TMC1: variants seen among roughly 807,000 people sequenced by gnomAD.
TMC1 encodes transmembrane channel-like protein 1.
In TMC1, 84 loss-of-function variants were observed where a neutral mutation model predicts 105.8. That is an observed-to-expected ratio of 0.79 (90% CI 0.67 to 0.95). The LOEUF (loss-of-function observed/expected upper bound fraction) is 0.95. Among genes scored for constraint, TMC1 ranks in the 40% least tolerant of loss-of-function variants. The pLI is 0.00. For synonymous variants in TMC1, 315 were observed against 311.5 expected (o/e 1.01, Z -0.12); for missense variants, 817 against 914.1 (o/e 0.89, Z 1.37).
In TMC1 at chr9:72,559,441, G is replaced by GCC. The variant is rs551389085; in HGVS notation, c.-427-18457_-427-18456dup. On this transcript the variant is annotated intron_variant, in intron 1 of 23. Coordinates refer to ENST00000297784, the MANE Select transcript of TMC1 (RefSeq NM_138691.3). Reference sequence around the variant, plus strand: ...ATAACTCATACCAGAAACTTTGTAGGCCCCCACCGATGCCCATAATCTTTA... The same window carrying GCC: ...ATAACTCATACCAGAAACTTTGTAGGCCCCCCCACCGATGCCCATAATCTTTA... Among the ~76,000 whole-genome samples the GCC allele has an allele frequency of 1.8e-3, 268 of 152,004 alleles. 1 individual carries two copies. The highest frequency in any genetic ancestry group is 6.3e-3 in the African/African-American group (262 of 41,408).
chr9:72,680,165 T>C (rs1029316592), intron 5 of TMC1, among the ~76,000 whole-genome samples: 2 of 152,088 alleles, frequency 1.3e-5, no homozygotes, highest in Non-Finnish European at 2.9e-5. Flanking sequence ...AGGTGTTAAA[T>C]CTCCATTCTA....
chr9:72,555,973 C>CAAAAAAAAAAAAAAAAAAAAAAAAAAAAA (rs59431883), intron 1 of TMC1, among the ~76,000 whole-genome samples: 1 of 42,566 alleles, frequency 2.3e-5, no homozygotes, highest in Non-Finnish European at 3.9e-5. Context: ...ATGACTAAGG[C>CAAAAAAAAAAAAAAAAAAAAAAAAAAAAA]AAAAAAAAAA....
At position 72,748,064 on chromosome 9, in the gene TMC1, T is replaced by C. The variant is rs74814764; in HGVS notation, c.536-3786T>C. Among the ~76,000 whole-genome samples, 29 of 151,206 alleles carry C rather than the reference T, an allele frequency of 1.9e-4. 1 individual carries two copies. Among genetic ancestry groups the C allele is most frequent in the African/African-American group, 7.2e-4 (29 of 40,520 alleles). Reference sequence around the variant, plus strand: ...GTTTCAGAAACACATATTCATTGCATGTTTATTGTATATATCATAGTCTTA... The same window carrying C: ...GTTTCAGAAACACATATTCATTGCACGTTTATTGTATATATCATAGTCTTA... On this transcript the variant is annotated intron_variant, in intron 10 of 23. Transcript: ENST00000297784.
At chr9:72,623,169 T>C (rs1306490323) in intron 3 of TMC1, among the ~76,000 whole-genome samples, 3 of 148,146 alleles carry the variant, frequency 2.0e-5, no homozygotes, top group Non-Finnish European at 3.0e-5. Flanking sequence ...TTTCTTTTTT[T>C]TTTTTTTGTC....
At chr9:72,699,759 C>G (rs1460673908) in intron 7 of TMC1, among the ~76,000 whole-genome samples, 1 of 151,748 alleles carries the variant, frequency 6.6e-6, no homozygotes, top group Non-Finnish European at 1.5e-5. Context: ...AAGTTCAAGA[C>G]CAGCCTGGCC....
At chr9:72,626,857 T>C (rs779385316) in intron 3 of TMC1, among the ~76,000 whole-genome samples, 11 of 152,186 alleles carry the variant, frequency 7.2e-5, no homozygotes, top group Non-Finnish European at 1.2e-4. Flanking sequence ...CTCCATACTA[T>C]TTATGTGTGT....
At chr9:72,822,514 T>TTGTGTG (rs368968408) in intron 20 of TMC1, among the ~76,000 whole-genome samples, 3,111 of 135,800 alleles carry the variant, frequency 0.023, 44 homozygotes, top group Admixed American at 0.026. Flanking sequence ...GTTAATTCCG[T>TTGTGTG]TGTGTGTGTG....
At chr9:72,786,607 T>C (rs371123259) in intron 13 of TMC1, among the ~76,000 whole-genome samples, 1 of 152,306 alleles carries the variant, frequency 6.6e-6, no homozygotes, top group South Asian at 2.1e-4. Context: ...TCTTAAAAAA[T>C]GAGCAGTTTT....
chr9:72,578,917 C>T lies in TMC1; in HGVS notation c.-306+894C>T, dbSNP rs558665239. 5.3e-5 allele frequency among the ~76,000 whole-genome samples: 8 copies of T among 152,220 alleles called. No individual in the cohort carries two copies. In the South Asian group the frequency reaches 6.2e-4, roughly 12 times the overall value. ...AAACTCCCCCAGTTGTAGTTCCTTTCGATGTTGGTCGTTGGATGAATTTCC... is the reference window on the plus strand; with the variant it reads ...AAACTCCCCCAGTTGTAGTTCCTTTTGATGTTGGTCGTTGGATGAATTTCC... On this transcript the variant is annotated intron_variant, in intron 2 of 23. Coordinates refer to ENST00000297784, the MANE Select transcript of TMC1 (RefSeq NM_138691.3).
intron 2 of TMC1, among the ~76,000 whole-genome samples, chr9:72,578,918 G>A (rs1824432063): frequency 6.6e-6 from 1 of 152,150 alleles, no homozygotes; most frequent in Admixed American, 6.5e-5. Context: ...AGTTCCTTTC[G>A]ATGTTGGTCG....
chr9:72,742,230 A>G (rs1827400645), intron 9 of TMC1, among the ~76,000 whole-genome samples: 1 of 152,166 alleles, frequency 6.6e-6, no homozygotes, highest in Non-Finnish European at 1.5e-5. Context: ...CAGGGGATCG[A>G]TAAACATTTT....
intron 20 of TMC1, among the ~76,000 whole-genome samples, chr9:72,822,930 T>A (rs1013264441): frequency 2.6e-5 from 4 of 152,344 alleles, no homozygotes; most frequent in Middle Eastern, 6.8e-3. Flanking sequence ...TCTTAAGCCC[T>A]AACTCTTCTG....
At chr9:72,674,015 T>C (rs1016421675) in intron 5 of TMC1, among the ~76,000 whole-genome samples, 3 of 152,100 alleles carry the variant, frequency 2.0e-5, no homozygotes, top group Non-Finnish European at 4.4e-5. Context: ...AAATTAAAAA[T>C]TGTAAAATAT....
intron 18 of TMC1, among the ~76,000 whole-genome samples, chr9:72,811,519 C>A (rs767468037): frequency 4.6e-5 from 7 of 152,084 alleles, no homozygotes; most frequent in Non-Finnish European, 8.8e-5. Flanking sequence ...TTTTCTTTGG[C>A]AGTTCAATGC....
intron 13 of TMC1, among the ~76,000 whole-genome samples, chr9:72,779,550 T>C (rs1366102563): frequency 6.6e-6 from 1 of 152,046 alleles, no homozygotes; most frequent in Non-Finnish European, 1.5e-5. Context: ...AAAGACAAAA[T>C]AGTCATTTTA....
At chr9:72,547,686 C>T (rs538893095) in intron 1 of TMC1, among the ~76,000 whole-genome samples, 1 of 152,172 alleles carries the variant, frequency 6.6e-6, no homozygotes, top group South Asian at 2.1e-4. Flanking sequence ...GGGTATAAAC[C>T]ACTGGGAAGA....
intron 10 of TMC1, among the ~76,000 whole-genome samples, chr9:72,747,818 A>G (rs1445091324): frequency 6.6e-6 from 1 of 151,480 alleles, no homozygotes; most frequent in African/African-American, 2.4e-5. Flanking sequence ...CAGGTCTTGA[A>G]CTCCTGACCT....
chr9:72,780,103 T>G (rs1828069251), intron 13 of TMC1, among the ~76,000 whole-genome samples: 1 of 152,194 alleles, frequency 6.6e-6, no homozygotes, highest in South Asian at 2.1e-4. Context: ...TTAGGGCCTA[T>G]ATTCACCATC....
chr9:72,583,092 T>G (rs1032073678), intron 2 of TMC1, among the ~76,000 whole-genome samples: 1 of 152,052 alleles, frequency 6.6e-6, no homozygotes, highest in African/African-American at 2.4e-5. Context: ...ATTGGTGGTG[T>G]GTGCCTGTGA....
Sources: allele counts gnomAD v4.1 joint callset (sites outside exome capture counted in the v4.1 genomes callset), GRCh38; gene constraint gnomAD v4.1.1; transcripts MANE v1.5; gene names NCBI Gene and HGNC (gene_info 2026-07-23, HGNC 2026-07-21).